GUCY1B1: variants seen among roughly 807,000 people sequenced by gnomAD.
GUCY1B1 encodes the protein guanylate cyclase soluble subunit beta-1.
Under a neutral mutation model 71.0 loss-of-function variants are expected in GUCY1B1, and 43 were observed. That is an observed-to-expected ratio of 0.61 (90% CI 0.47 to 0.78). GUCY1B1 has a LOEUF of 0.78. Ranked by LOEUF, GUCY1B1 falls within the 30% of genes least tolerant of loss-of-function variation. The probability of loss-of-function intolerance (pLI) is 0.00; values close to 1 mark genes in which losing one functional copy is unlikely to be tolerated. For synonymous variants in GUCY1B1, 266 were observed against 259.7 expected (o/e 1.02, Z -0.23); for missense variants, 535 against 754.1 (o/e 0.71, Z 3.40).
chr4:155,777,436 T>TA (rs1738130888), intron 3 of GUCY1B1, 88 bp from the exon 4 acceptor site: 1 of 753,372 alleles, frequency 1.3e-6, no homozygotes. Flanking sequence ...CATTTTACAT[T>TA]ACTTAATAAA....
chr4:155,775,002 C>A lies in GUCY1B1; in HGVS notation c.112C>A (p.Leu38Ile), dbSNP rs1737946071. 6.2e-7 allele frequency: 1 copy of A among 1,602,402 alleles called. No individual in the cohort carries two copies. The highest frequency in any genetic ancestry group is 8.5e-7 in the Non-Finnish European group (1 of 1,169,962). The change falls in exon 3 of 14, where the codon CTT (leucine) becomes ATT (isoleucine). Residue 38 changes from leucine (L) to isoleucine (I), a missense_variant. Transcript: ENST00000264424. ...EAQLDEEGQF[L>I]VRIIYDDSKT... ...ACAGTTAGATGAAGAAGGACAGTTT[C>A]TTGTCAGAATAATATATGATGACTC...
intron 2 of GUCY1B1, among the ~76,000 whole-genome samples, chr4:155,768,529 T>G (rs28709015): frequency 0.013 from 1,989 of 151,812 alleles, 42 homozygotes; most frequent in African/African-American, 0.046. Context: ...ATTCACTAAT[T>G]TTTAAACATG....
At chr4:155,800,407 A>C (rs1456732061) in intron 9 of GUCY1B1, among the ~76,000 whole-genome samples, 2 of 152,190 alleles carry the variant, frequency 1.3e-5, no homozygotes, top group Non-Finnish European at 2.9e-5. Flanking sequence ...TTCATACAAG[A>C]GTTATATATT....
rs917014960 is a variant in GUCY1B1 at position 155,802,743 on chromosome 4, CTT to C, written c.1413+165_1413+166del. On this transcript the variant is annotated intron_variant, in intron 10 of 13. Transcript: ENST00000264424. The surrounding 1 kb of genome is among the most constrained non-coding windows in gnomAD (Gnocchi z 4.3). ...TTACCATGTTCTTAAATAATTGCCT[CTT>C]GTTATAAAACTGTCTCTTCCTTGTA... 6.6e-5 allele frequency among the ~76,000 whole-genome samples: 10 copies of C among 152,184 alleles called. No individual in the cohort carries two copies. The highest frequency in any genetic ancestry group is 2.4e-4 in the African/African-American group (10 of 41,448).
chr4:155,779,823 T>C (rs372046112), intron 4 of GUCY1B1, among the ~76,000 whole-genome samples: 14 of 152,316 alleles, frequency 9.2e-5, no homozygotes, highest in African/African-American at 3.4e-4. Context: ...TTACGTAAAT[T>C]AGTAAAATAT....
intron 7 of GUCY1B1, among the ~76,000 whole-genome samples, chr4:155,796,072 G>A: frequency 6.6e-6 from 1 of 152,138 alleles, no homozygotes; most frequent in East Asian, 1.9e-4. Flanking sequence ...GTCTGGTAAT[G>A]TATGTTGGAA....
At position 155,806,842 on chromosome 4, in the gene GUCY1B1, T is replaced by C. The variant is rs1740352976; in HGVS notation, c.*433T>C. 1 of 155,610 alleles carries C rather than the reference T, an allele frequency of 6.4e-6. No homozygotes were observed. The allele number at this position is 155,610 out of a possible 1,614,324, so 9.6% of individuals were successfully genotyped here. A position where few individuals can be genotyped will look rare whatever the true frequency, so the allele number is the denominator to read the frequency against. On this transcript the variant is annotated 3_prime_UTR_variant, in exon 14 of 14. Transcript: ENST00000264424. Reference sequence around the variant, plus strand: ...ATGTATATGTATATTTTAATGACTATAATGTAATAAAGTTTATATCATGTT... The same window carrying C: ...ATGTATATGTATATTTTAATGACTACAATGTAATAAAGTTTATATCATGTT...
chr4:155,804,254 T>C (rs1265330810), intron 11 of GUCY1B1, among the ~76,000 whole-genome samples: 2 of 152,128 alleles, frequency 1.3e-5, no homozygotes, highest in African/African-American at 4.8e-5. Flanking sequence ...AATTCATGTG[T>C]TACAGGAACA....
At chr4:155,773,381 A>G (rs1388166865) in intron 2 of GUCY1B1, among the ~76,000 whole-genome samples, 1 of 152,226 alleles carries the variant, frequency 6.6e-6, no homozygotes, top group African/African-American at 2.4e-5. Flanking sequence ...TTCAAATCCT[A>G]TCTAAATAAA....
chr4:155,770,212 G>T (rs1336206384), intron 2 of GUCY1B1, among the ~76,000 whole-genome samples: 1 of 152,036 alleles, frequency 6.6e-6, no homozygotes, highest in Non-Finnish European at 1.5e-5. Flanking sequence ...AAATTTACTG[G>T]TCGCCCTCTG....
At chr4:155,771,393 C>T (rs1462730649) in intron 2 of GUCY1B1, among the ~76,000 whole-genome samples, 2 of 152,168 alleles carry the variant, frequency 1.3e-5, no homozygotes, top group African/African-American at 4.8e-5. Flanking sequence ...GGCTGTTCCC[C>T]TGTTTTATGC....
chr4:155,761,532 T>C (rs146058463), intron 2 of GUCY1B1, among the ~76,000 whole-genome samples: 1 of 152,280 alleles, frequency 6.6e-6, no homozygotes, highest in East Asian at 1.9e-4. Flanking sequence ...ATCCTAGCCA[T>C]TATCAGTTTA....
At chr4:155,786,861 C>T (rs1051875132) in intron 4 of GUCY1B1, among the ~76,000 whole-genome samples, 42 of 151,576 alleles carry the variant, frequency 2.8e-4, no homozygotes, top group African/African-American at 9.4e-4. Flanking sequence ...TGCCTGCCTC[C>T]GCCTCCCAAA....
intron 8 of GUCY1B1, among the ~76,000 whole-genome samples, chr4:155,796,763 A>G (rs1739585846): frequency 6.6e-6 from 1 of 152,176 alleles, no homozygotes; most frequent in Non-Finnish European, 1.5e-5. Flanking sequence ...CCATTACGCC[A>G]TGGGACAAAT....
At chr4:155,786,524 C>T (rs1395557477) in intron 4 of GUCY1B1, among the ~76,000 whole-genome samples, 1 of 128,398 alleles carries the variant, frequency 7.8e-6, no homozygotes, top group African/African-American at 3.0e-5. Context: ...GGCTGGAGTG[C>T]AGTGGCGAGA....
chr4:155,778,108 T>G (rs1488958564), intron 4 of GUCY1B1, among the ~76,000 whole-genome samples: 1 of 152,226 alleles, frequency 6.6e-6, no homozygotes, highest in Non-Finnish European at 1.5e-5. Context: ...AGTAGGGTTT[T>G]CAGGTGTTCT....
At chr4:155,800,283 G>C (rs751871559) in intron 9 of GUCY1B1, among the ~76,000 whole-genome samples, 13 of 152,298 alleles carry the variant, frequency 8.5e-5, no homozygotes, top group Non-Finnish European at 1.3e-4. Context: ...GCTATTTTTA[G>C]AAGCCAAGTT....
chr4:155,779,327 C>A (rs1738264407), intron 4 of GUCY1B1, among the ~76,000 whole-genome samples: 2 of 152,114 alleles, frequency 1.3e-5, no homozygotes, highest in African/African-American at 2.4e-5. Flanking sequence ...TACATACACA[C>A]AACAAAGTGC....
At chr4:155,760,681 C>T (rs1457461068) in intron 2 of GUCY1B1, among the ~76,000 whole-genome samples, 1 of 152,152 alleles carries the variant, frequency 6.6e-6, no homozygotes, top group Non-Finnish European at 1.5e-5. Context: ...TTGCATTTAA[C>T]TTATGGTACA....
Sources: allele counts gnomAD v4.1 joint callset (sites outside exome capture counted in the v4.1 genomes callset), GRCh38; gene constraint gnomAD v4.1.1; non-coding constraint Gnocchi (gnomAD v3.1); transcripts MANE v1.5; gene names NCBI Gene and HGNC (gene_info 2026-07-23, HGNC 2026-07-21).